The following HDAC7 variants were observed in gnomAD, a reference collection of about 807,000 sequenced individuals.
HDAC7 encodes histone deacetylase 7, also known as histone deacetylase 7A.
In HDAC7, 26 loss-of-function variants were observed where a neutral mutation model predicts 115.5. The observed-to-expected ratio is 0.23, with a 90% confidence interval of 0.16 to 0.31. The LOEUF (loss-of-function observed/expected upper bound fraction) is 0.31, where lower values mean the gene tolerates loss of function less well. Among genes scored for constraint, HDAC7 ranks in the 10% least tolerant of loss-of-function variants. HDAC7 has a pLI of 1.00. For missense variants in HDAC7, 1,068 were observed against 1,329.0 expected (o/e 0.80, Z 3.05); for synonymous variants, 564 against 550.9 (o/e 1.02, Z -0.33).
chr12:47,789,215 TC>T (rs1488144411), intron 19 of HDAC7, 45 bp downstream of exon 19: 1 of 1,433,456 alleles, frequency 7.0e-7, no homozygotes, highest in African/African-American at 1.4e-5. Flanking sequence ...TCAGGGCTTT[TC>T]CCCCAGGGCT....
chr12:47,812,710 G>A (rs1362947480), intron 1 of HDAC7, among the ~76,000 whole-genome samples: 1 of 152,156 alleles, frequency 6.6e-6, no homozygotes, highest in Non-Finnish European at 1.5e-5. Flanking sequence ...CATCTGTAGA[G>A]TGCTTTAAGC....
At chr12:47,786,908 G>A (rs1943199678) in intron 21 of HDAC7, among the ~76,000 whole-genome samples, 1 of 152,224 alleles carries the variant, frequency 6.6e-6, no homozygotes, top group South Asian at 2.1e-4. Context: ...GCCCCCTAGG[G>A]GACTTAACTA....
intron 1 of HDAC7, among the ~76,000 whole-genome samples, chr12:47,818,749 G>A (rs55713656): frequency 0.14 from 21,226 of 152,246 alleles, 1,684 homozygotes; most frequent in Non-Finnish European, 0.18. Flanking sequence ...GGCAGGGAGC[G>A]TTGGCAGCGA....
rs370572578 is a variant in HDAC7, at chr12:47,798,766, C to A, written c.258+19G>T. The A allele has an allele frequency of 6.4e-7, 1 of 1,554,712 alleles. No homozygotes were observed. Among genetic ancestry groups the A allele is most frequent in the East Asian group, 2.4e-5 (1 of 41,214 alleles). On this transcript the variant is annotated intron_variant, in intron 3 of 25. Transcript: ENST00000080059. The surrounding 1 kb of genome is among the most constrained non-coding windows in gnomAD (Gnocchi z 4.3). ...ACCAAGCTCAAGGTGGCCCCACATG[C>A]AGGGAGCTCCATCTTTACCCTCATG...
At chr12:47,786,046 C>A (rs1943158363) in intron 22 of HDAC7, 161 bp from the exon 23 acceptor site, 1 of 745,070 alleles carries the variant, frequency 1.3e-6, no homozygotes, top group African/African-American at 1.8e-5. Context: ...CGTACAAAAC[C>A]TACTAGTATG....
chr12:47,784,232 C>T lies in HDAC7; in HGVS notation c.2792-15G>A. 1 of 1,605,442 alleles carries T rather than the reference C, an allele frequency of 6.2e-7. No homozygotes were observed. Among genetic ancestry groups the T allele is most frequent in the Non-Finnish European group, 8.5e-7 (1 of 1,175,914 alleles). On this transcript the variant is annotated splice_polypyrimidine_tract_variant and intron_variant, in intron 24 of 25. Transcript: ENST00000080059. ...CCAGTATTTACCTGGGGTAAGATGC[C>T]AGGTCAGAAAGGGTTGGAGAAAGCA...
intron 1 of HDAC7, 26 bp downstream of exon 1, chr12:47,819,741 G>T: frequency 1.2e-6 from 1 of 800,324 alleles, no homozygotes; most frequent in Non-Finnish European, 1.5e-6. Context: ...GCAGGGCGGG[G>T]CGGGGGGCGG....
rs566486430 is a variant in HDAC7, at chr12:47,795,970, G to A, written c.842C>T (p.Pro281Leu). The A allele has an allele frequency of 6.0e-4, 924 of 1,550,032 alleles. 9 individuals are homozygous for A. In the South Asian group the frequency reaches 0.01, roughly 17 times the overall value. The change falls in exon 9 of 26, where the codon CCG (proline) becomes CTG (leucine). Residue 281 changes from proline to leucine, a missense_variant. Coordinates refer to ENST00000080059, the MANE Select transcript of HDAC7 (RefSeq NM_015401.5). This position sits in a 1 kb window ranked among gnomAD's most constrained non-coding sequence, Gnocchi z 4.3. ...RLRLQETSVA[P>L]FALPTVSLLP... is the part of the protein sequence containing the mutation. The stretch of plus-strand genomic sequence containing the variant: ...CAAGGACACTGTCGGCAAGGCGAAC[G>A]GGGCCACAGAAGTCTCCTGCAGCCG...
chr12:47,797,999 G>T lies in HDAC7; in HGVS notation c.461+109C>A. On this transcript the variant is annotated intron_variant, in intron 5 of 25. Coordinates refer to ENST00000080059, the MANE Select transcript of HDAC7 (RefSeq NM_015401.5). The surrounding 1 kb of genome is among the most constrained non-coding windows in gnomAD (Gnocchi z 5.5). The stretch of plus-strand genomic sequence containing the variant: ...ATGTTTAGAGGAAGGGTAAGGACTG[G>T]TTGTGGCAACTGGGGAGGAAGGAGG... 3 of 797,648 alleles carry T rather than the reference G, an allele frequency of 3.8e-6. No individual in the cohort carries two copies. Among genetic ancestry groups the T allele is most frequent in the Non-Finnish European group, 6.7e-6 (3 of 448,838 alleles). 49.4% of individuals were successfully genotyped at this position (797,648 alleles called of 1,614,324 possible). A position where few individuals can be genotyped will look rare whatever the true frequency, so the allele number is the denominator to read the frequency against.
Position 47,791,552 on chromosome 12 carries a change from C to T in HDAC7, c.1933+34G>A, listed in dbSNP as rs200330333. On this transcript the variant is annotated intron_variant, in intron 15 of 25. Coordinates refer to ENST00000080059, the MANE Select transcript of HDAC7 (RefSeq NM_015401.5). ...GTGCATGGGAGCTGGGTGAGGTAAG[C>T]TGGCATGGGGAGACAGGGCCACTAG... 7 of 1,582,804 alleles carry T rather than the reference C, an allele frequency of 4.4e-6. No individual in the cohort carries two copies. The South Asian group carries it at 8.0e-5, about 18-fold the overall frequency.
In HDAC7 at chr12:47,797,352, G is replaced by T. The variant is rs777871366; in HGVS notation, c.577+32C>A. 4.2e-6 allele frequency: 6 copies of T among 1,440,256 alleles called. No individual in the cohort carries two copies. In the African/African-American group the frequency reaches 8.7e-5, roughly 21 times the overall value. 89.2% of individuals were successfully genotyped at this position (1,440,256 alleles called of 1,614,324 possible). ...GTCCGAGGCCCTTCCCCCTTCCTTT[G>T]CCTGAAAGGTCCGCCTGTTTGTTCA... On this transcript the variant is annotated intron_variant, in intron 6 of 25. Coordinates refer to ENST00000080059, the MANE Select transcript of HDAC7 (RefSeq NM_015401.5). The surrounding 1 kb of genome is among the most constrained non-coding windows in gnomAD (Gnocchi z 5.5).
At position 47,798,805 on chromosome 12, in the gene HDAC7, G is replaced by A. The variant is rs140857628; in HGVS notation, c.238C>T (p.Arg80Cys). 1,875 of 1,557,638 alleles carry A rather than the reference G, an allele frequency of 1.2e-3. 5 individuals carry two copies. The highest frequency in any genetic ancestry group is 4.3e-3 in the Middle Eastern group (26 of 5,980). Reference sequence around the variant, plus strand: ...TTTACCCTCATGGGCTCCACCGAGCGCTGCTGCTGCAGGCCTGCTAGGAAG... The same window carrying A: ...TTTACCCTCATGGGCTCCACCGAGCACTGCTGCTGCAGGCCTGCTAGGAAG... ...HLFLAGLQQQRSVEPMRLSMD... is the reference protein window; with the variant it reads ...HLFLAGLQQQCSVEPMRLSMD... Residue 80 changes from arginine (R) to cysteine (C), a missense_variant, in exon 3 of 26, where the codon CGC becomes TGC. Physicochemically the swap from Arg to Cys is radical, Grantham distance 180 (BLOSUM62 -3). Coordinates refer to ENST00000080059, the MANE Select transcript of HDAC7 (RefSeq NM_015401.5). This position sits in a 1 kb window ranked among gnomAD's most constrained non-coding sequence, Gnocchi z 4.3.
rs60132211 is a variant in HDAC7, at chr12:47,810,804, G to GTCTCTCTCTCTCTC, written c.20-8544_20-8531dup. 2.0e-3 allele frequency among the ~76,000 whole-genome samples: 265 copies of GTCTCTCTCTCTCTC among 131,608 alleles called. 4 individuals carry two copies. The highest frequency in any genetic ancestry group is 3.9e-3 in the Middle Eastern group (1 of 256). 86.3% of individuals were successfully genotyped at this position (131,608 alleles called of 152,430 possible). A position where few individuals can be genotyped will look rare whatever the true frequency, so the allele number is the denominator to read the frequency against. ...GGGTAAATTCTCTTGGGAGGAAAAGGTCTCTCTCTCTCTCTCTCTCTCTCT... is the reference window on the plus strand; with the variant it reads ...GGGTAAATTCTCTTGGGAGGAAAAGGTCTCTCTCTCTCTCTCTCTCTCTCTCTCTCTCTCTCTCT... On this transcript the variant is annotated intron_variant, in intron 1 of 25. Coordinates refer to ENST00000080059, the MANE Select transcript of HDAC7 (RefSeq NM_015401.5).
chr12:47,813,045 C>T (rs1944735214), intron 1 of HDAC7: 2 of 152,262 alleles, frequency 1.3e-5, no homozygotes, highest in Non-Finnish European at 2.9e-5. Flanking sequence ...CTCCCGGGAC[C>T]CAGGGGAAGC....
At chr12:47,810,842 C>CTA (rs1555144469) in intron 1 of HDAC7, among the ~76,000 whole-genome samples, 31 of 93,240 alleles carry the variant, frequency 3.3e-4, no homozygotes, top group South Asian at 9.9e-4. Flanking sequence ...CTCTCTCTCT[C>CTA]TCTCTATCTC....
In HDAC7 at chr12:47,783,279, T is replaced by G; in HGVS notation, c.*562A>C. 1 of 155,706 alleles carries G rather than the reference T, an allele frequency of 6.4e-6. No individual in the cohort carries two copies. The highest frequency in any genetic ancestry group is 1.4e-5 in the Non-Finnish European group (1 of 70,014). 9.6% of individuals were successfully genotyped at this position (155,706 alleles called of 1,614,324 possible). On this transcript the variant is annotated 3_prime_UTR_variant, in exon 26 of 26. Transcript: ENST00000080059. ...CAGTCTCGGCTGTCAGGGAGCTTCG[T>G]CTCAGTGCCCAGTGGTAGAGGGAAG...
Position 47,796,157 on chromosome 12 carries a change from G to C in HDAC7, c.795+50C>G, listed in dbSNP as rs758528692. ...AGGTAGGGCCGCCTGCTGGAAGAAG[G>C]CTGAGCCTCAGAACTGCCCCAGGAG... On this transcript the variant is annotated intron_variant, in intron 8 of 25. Coordinates refer to ENST00000080059, the MANE Select transcript of HDAC7 (RefSeq NM_015401.5). 6 of 1,561,278 alleles carry C rather than the reference G, an allele frequency of 3.8e-6. No homozygotes were observed. The South Asian group carries it at 4.7e-5, about 12-fold the overall frequency.
At chr12:47,811,827 C>G (rs557312958) in intron 1 of HDAC7, among the ~76,000 whole-genome samples, 227 of 152,324 alleles carry the variant, frequency 1.5e-3, no homozygotes, top group Middle Eastern at 6.8e-3. Context: ...TCCTCTGCCC[C>G]TCCTGAGTCT....
chr12:47,784,803 C>G (rs866174906), intron 24 of HDAC7: 1 of 1,534,310 alleles, frequency 6.5e-7, no homozygotes, highest in Non-Finnish European at 8.7e-7. Flanking sequence ...GGGCACCCAC[C>G]GTAAGAGGAA....
Sources: allele counts gnomAD v4.1 joint callset (sites outside exome capture counted in the v4.1 genomes callset), GRCh38; gene constraint gnomAD v4.1.1; non-coding constraint Gnocchi (gnomAD v3.1); transcripts MANE v1.5; gene names NCBI Gene and HGNC (gene_info 2026-07-23, HGNC 2026-07-21).